Variants in DEPTOR observed in about 807,000 individuals in gnomAD.
The protein encoded by DEPTOR is DEP domain-containing mTOR-interacting protein.
DEPTOR carries 41 observed loss-of-function variants against 41.6 expected under a neutral mutation model. That is an observed-to-expected ratio of 0.98 (90% CI 0.77 to 1.28). The LOEUF (loss-of-function observed/expected upper bound fraction) is 1.28. DEPTOR is among the 50% of genes most tolerant of loss of function. DEPTOR has a pLI of 0.00. For missense variants in DEPTOR, 514 were observed against 527.9 expected, an observed-to-expected ratio of 0.97 and a Z score of 0.26; for synonymous variants, 195 against 192.3, an observed-to-expected ratio of 1.01 and a Z score of -0.12.
At chr8:120,026,422 A>G (rs1328957204) in intron 8 of DEPTOR, among the ~76,000 whole-genome samples, 3 of 148,980 alleles carry the variant, frequency 2.0e-5, no homozygotes, top group Non-Finnish European at 4.5e-5. Flanking sequence ...GGCTTACTGC[A>G]ACCTCTACCT....
intron 8 of DEPTOR, among the ~76,000 whole-genome samples, chr8:120,026,961 A>G (rs945016612): frequency 2.6e-5 from 4 of 152,094 alleles, no homozygotes; most frequent in Non-Finnish European, 5.9e-5. Context: ...GCTCACGCCT[A>G]TAATCCCAGT....
chr8:119,888,964 T>C (rs1738039985), intron 1 of DEPTOR, among the ~76,000 whole-genome samples: 1 of 151,562 alleles, frequency 6.6e-6, no homozygotes, highest in African/African-American at 2.4e-5. Flanking sequence ...GAGTGGGAGT[T>C]GGGAGAATGC....
At chr8:120,000,903 C>T (rs577408131) in intron 4 of DEPTOR, among the ~76,000 whole-genome samples, 2 of 151,824 alleles carry the variant, frequency 1.3e-5, no homozygotes, top group South Asian at 4.2e-4. Context: ...CATGGTGCAA[C>T]CCCGTCTCTA....
chr8:119,918,203 C>A (rs1827838975), intron 1 of DEPTOR, among the ~76,000 whole-genome samples: 1 of 152,036 alleles, frequency 6.6e-6, no homozygotes. Flanking sequence ...TTTTCCAAGT[C>A]TCTCGTTCCA....
At position 119,967,224 on chromosome 8, in the gene DEPTOR, G is replaced by A. The variant is rs377550299; in HGVS notation, c.604+1814G>A. On this transcript the variant is annotated intron_variant, in intron 4 of 8. Transcript: ENST00000286234. Reference sequence around the variant, plus strand: ...CTTCCGAGTTGCTGAGATTACAGACGTGCACCACAACACCCAGATAATTTT... The same window carrying A: ...CTTCCGAGTTGCTGAGATTACAGACATGCACCACAACACCCAGATAATTTT... 2.2e-3 allele frequency among the ~76,000 whole-genome samples: 330 copies of A among 151,692 alleles called. 1 individual carries two copies. The highest frequency in any genetic ancestry group is 7.2e-3 in the African/African-American group (300 of 41,404).
chr8:119,962,386 G>A (rs1407840059), intron 3 of DEPTOR, among the ~76,000 whole-genome samples: 4 of 152,108 alleles, frequency 2.6e-5, no homozygotes, highest in Admixed American at 2.0e-4. Context: ...GCAATGAGAT[G>A]GTCTAATTGA....
chr8:120,015,582 T>C (rs181991980), intron 8 of DEPTOR, among the ~76,000 whole-genome samples: 1 of 152,250 alleles, frequency 6.6e-6, no homozygotes, highest in East Asian at 1.9e-4. Context: ...GTTCTTTGTC[T>C]CTAGTCAAAT....
intron 1 of DEPTOR, among the ~76,000 whole-genome samples, chr8:119,920,989 T>TG (rs200919829): frequency 0.019 from 2,944 of 151,002 alleles, 98 homozygotes; most frequent in African/African-American, 0.067. Flanking sequence ...GGTTTTTTTT[T>TG]TTTTTGAGAC....
At position 119,877,664 on chromosome 8, in the gene DEPTOR, G is replaced by A. The variant is rs573286271; in HGVS notation, c.122+3696G>A. Among the ~76,000 whole-genome samples the A allele has an allele frequency of 1.1e-4, 16 of 152,322 alleles. No individual in the cohort carries two copies. The South Asian group carries it at 3.3e-3, about 32-fold the overall frequency. On this transcript the variant is annotated intron_variant, in intron 1 of 8. Transcript: ENST00000286234. ...ATAAAAAATTTAGCCTCTAGGCCCAGTTCTATCAATTTCTTTTTCTTTCTT... is the reference window on the plus strand; with the variant it reads ...ATAAAAAATTTAGCCTCTAGGCCCAATTCTATCAATTTCTTTTTCTTTCTT...
intron 4 of DEPTOR, among the ~76,000 whole-genome samples, chr8:119,987,396 G>T (rs777971654): frequency 6.6e-6 from 1 of 152,080 alleles, no homozygotes; most frequent in East Asian, 1.9e-4. Flanking sequence ...TGTTCTTTCC[G>T]CTAGAAGCTT....
intron 8 of DEPTOR, among the ~76,000 whole-genome samples, chr8:120,020,333 A>C (rs1415184379): frequency 6.6e-6 from 1 of 152,112 alleles, no homozygotes; most frequent in Non-Finnish European, 1.5e-5. Flanking sequence ...CACCTGCTTC[A>C]GTCTCCCAAA....
intron 1 of DEPTOR, among the ~76,000 whole-genome samples, chr8:119,902,198 G>A (rs141854434): frequency 6.6e-6 from 1 of 152,200 alleles, no homozygotes; most frequent in African/African-American, 2.4e-5. Context: ...GTGTCCCCAG[G>A]ATTTGGTACA....
intron 1 of DEPTOR, among the ~76,000 whole-genome samples, chr8:119,921,625 A>G (rs1339496415): frequency 6.6e-6 from 1 of 152,302 alleles, no homozygotes; most frequent in East Asian, 1.9e-4. Flanking sequence ...GACAGTAGGA[A>G]TAGTGTGTAG....
At chr8:119,924,791 T>C (rs1827943463) in intron 1 of DEPTOR, among the ~76,000 whole-genome samples, 1 of 152,186 alleles carries the variant, frequency 6.6e-6, no homozygotes, top group Non-Finnish European at 1.5e-5. Context: ...GTTACATGAA[T>C]AAACTGCATA....
chr8:119,927,159 C>T (rs992636481), intron 1 of DEPTOR, among the ~76,000 whole-genome samples: 3 of 152,100 alleles, frequency 2.0e-5, no homozygotes, highest in Admixed American at 6.6e-5. Context: ...GAGAAACAGA[C>T]CCTATGAAGT....
At chr8:119,988,688 G>A (rs1486626781) in intron 4 of DEPTOR, among the ~76,000 whole-genome samples, 1 of 152,050 alleles carries the variant, frequency 6.6e-6, no homozygotes, top group South Asian at 2.1e-4. Flanking sequence ...TCACCATTTT[G>A]GACAGGCTGA....
chr8:119,964,861 G>A (rs1171764093), intron 3 of DEPTOR, among the ~76,000 whole-genome samples: 4 of 152,082 alleles, frequency 2.6e-5, no homozygotes, highest in African/African-American at 9.7e-5. Flanking sequence ...ATCACCTGAG[G>A]TTGGGAGTTC....
intron 1 of DEPTOR, among the ~76,000 whole-genome samples, chr8:119,900,339 A>AAG (rs1827571830): frequency 8.5e-5 from 7 of 82,640 alleles, no homozygotes; most frequent in Non-Finnish European, 1.0e-4. Context: ...AAAAAAAAAG[A>AAG]AAAAAAAAAA....
intron 1 of DEPTOR, among the ~76,000 whole-genome samples, chr8:119,887,970 C>T (rs1468644158): frequency 6.6e-6 from 1 of 151,952 alleles, no homozygotes; most frequent in African/African-American, 2.4e-5. Context: ...CAGGTGTGTG[C>T]CAACACACCT....
Sources: allele counts gnomAD v4.1 joint callset (sites outside exome capture counted in the v4.1 genomes callset), GRCh38; gene constraint gnomAD v4.1.1; transcripts MANE v1.5; gene names NCBI Gene and HGNC (gene_info 2026-07-23, HGNC 2026-07-21).